The following ADAMTS18 variants were observed in gnomAD, a reference collection of about 807,000 sequenced individuals.
ADAMTS18 encodes ADAM metallopeptidase with thrombospondin type 1 motif 18.
Under a neutral mutation model 165.9 loss-of-function variants are expected in ADAMTS18, and 157 were observed. That is an observed-to-expected ratio of 0.95 (90% CI 0.83 to 1.08). The LOEUF (loss-of-function observed/expected upper bound fraction) is 1.08. Among genes scored for constraint, ADAMTS18 ranks in the 50% least tolerant of loss-of-function variants. ADAMTS18 has a pLI of 0.00. For missense variants in ADAMTS18, 2,040 were observed against 1,534.0 expected (o/e 1.33, Z -5.51); for synonymous variants, 782 against 578.2 (o/e 1.35, Z -5.06).
At chr16:77,336,105 A>T (rs1264514553) in intron 11 of ADAMTS18, among the ~76,000 whole-genome samples, 1 of 152,232 alleles carries the variant, frequency 6.6e-6, no homozygotes, top group African/African-American at 2.4e-5. Context: ...AAAGGCTGAC[A>T]TCTAGAGAGA....
At chr16:77,347,523 A>G (rs1043349539) in intron 10 of ADAMTS18, among the ~76,000 whole-genome samples, 1 of 152,104 alleles carries the variant, frequency 6.6e-6, no homozygotes, top group Non-Finnish European at 1.5e-5. Flanking sequence ...GTGGTGCCCC[A>G]TTATAATTTC....
intron 17 of ADAMTS18, 36 bp downstream of exon 17, chr16:77,300,227 G>C (rs781685334): frequency 1.1e-5 from 18 of 1,613,160 alleles, no homozygotes; most frequent in Non-Finnish European, 1.4e-5. Flanking sequence ...TTTTAAGAGA[G>C]ACAGACTTTG....
At chr16:77,302,237 A>G (rs2055598090) in intron 16 of ADAMTS18, among the ~76,000 whole-genome samples, 1 of 152,196 alleles carries the variant, frequency 6.6e-6, no homozygotes, top group Admixed American at 6.5e-5. Flanking sequence ...TCAAACTAGA[A>G]TTGTGAGAGC....
intron 3 of ADAMTS18, among the ~76,000 whole-genome samples, chr16:77,386,975 T>C (rs952879668): frequency 7.9e-5 from 12 of 152,198 alleles, no homozygotes; most frequent in African/African-American, 2.9e-4. Context: ...GGGTGAACTA[T>C]GCTTGCCTTC....
intron 3 of ADAMTS18, among the ~76,000 whole-genome samples, chr16:77,422,703 C>A (rs1332998527): frequency 6.6e-6 from 1 of 151,810 alleles, no homozygotes; most frequent in Non-Finnish European, 1.5e-5. Context: ...ATTCCAGAGC[C>A]AAAAAAATGC....
Position 77,367,535 on chromosome 16 carries a change from G to T in ADAMTS18, c.684C>A (p.Ser228=), listed in dbSNP as rs753689650. The T allele has an allele frequency of 4.3e-6, 7 of 1,614,206 alleles. No homozygotes were observed. The South Asian group carries it at 7.7e-5, about 18-fold the overall frequency. ...PGSGRNYPGY[S]PSHIPHASQS... Reference sequence around the variant, plus strand: ...GAGATGCATGGGGAATGTGACTTGGGGAGTAACCAGGATAATTCCGGCCAG... The same window carrying T: ...GAGATGCATGGGGAATGTGACTTGGTGAGTAACCAGGATAATTCCGGCCAG... The change falls in exon 4 of 23, where the codon TCC becomes TCA. Residue 228 remains serine, a synonymous_variant. Coordinates refer to ENST00000282849, the MANE Select transcript of ADAMTS18 (RefSeq NM_199355.4).
rs141857602 is a variant in ADAMTS18, at chr16:77,284,440, C to T, written c.3551-369G>A. On this transcript the variant is annotated intron_variant, in intron 22 of 22. Transcript: ENST00000282849. ...ACCGGGCCCAGCCTTTGGTGATTTG[C>T]ATATTATGATTTATTAATATTAACA... Among the ~76,000 whole-genome samples the T allele has an allele frequency of 2.9e-3, 444 of 152,088 alleles. 4 individuals are homozygous for T. Among genetic ancestry groups the T allele is most frequent in the African/African-American group, 0.01 (416 of 41,472 alleles).
intron 6 of ADAMTS18, 79 bp from the exon 7 acceptor site, chr16:77,362,343 AAC>A (rs2056728180): frequency 6.8e-7 from 1 of 1,476,790 alleles, no homozygotes; most frequent in African/African-American, 1.4e-5. Flanking sequence ...TGTACAGGCA[AAC>A]ACAGAAACAT....
At chr16:77,390,686 T>C (rs1291589681) in intron 3 of ADAMTS18, among the ~76,000 whole-genome samples, 1 of 142,498 alleles carries the variant, frequency 7.0e-6, no homozygotes, top group Admixed American at 7.0e-5. Flanking sequence ...CAAGACTCCA[T>C]CTCAAAAAAA....
chr16:77,430,886 A>C (rs2057730148), intron 3 of ADAMTS18, among the ~76,000 whole-genome samples: 2 of 152,226 alleles, frequency 1.3e-5, no homozygotes, highest in Non-Finnish European at 2.9e-5. Context: ...GGTTGATCTT[A>C]CCAGTGCTGC....
chr16:77,311,366 T>C (rs956307390), intron 16 of ADAMTS18, among the ~76,000 whole-genome samples: 1 of 152,208 alleles, frequency 6.6e-6, no homozygotes, highest in African/African-American at 2.4e-5. Flanking sequence ...TAAATATATG[T>C]TTGGCTCCAA....
At chr16:77,327,380 G>A (rs2056113521) in intron 12 of ADAMTS18, among the ~76,000 whole-genome samples, 1 of 152,008 alleles carries the variant, frequency 6.6e-6, no homozygotes, top group Admixed American at 6.6e-5. Context: ...TCATTCTTAT[G>A]CCTTTGCATC....
intron 17 of ADAMTS18, among the ~76,000 whole-genome samples, chr16:77,297,934 T>C (rs1288788984): frequency 7.1e-6 from 1 of 140,566 alleles, no homozygotes; most frequent in Non-Finnish European, 1.5e-5. Context: ...TTTTTTTTTT[T>C]TTTTTTTTGA....
chr16:77,384,832 TA>T (rs1456900543), intron 3 of ADAMTS18, among the ~76,000 whole-genome samples: 2 of 32,858 alleles, frequency 6.1e-5, no homozygotes, highest in African/African-American at 1.4e-4. Context: ...CAGATTTTTT[TA>T]AAAAATCTCA....
At chr16:77,353,323 C>A (rs1055495373) in intron 10 of ADAMTS18, among the ~76,000 whole-genome samples, 3 of 151,990 alleles carry the variant, frequency 2.0e-5, no homozygotes, top group African/African-American at 7.3e-5. Flanking sequence ...AAAAAGCTAG[C>A]TGCTAATAGT....
chr16:77,316,215 C>T (rs1045974210), intron 16 of ADAMTS18, among the ~76,000 whole-genome samples: 1 of 151,974 alleles, frequency 6.6e-6, no homozygotes, highest in Non-Finnish European at 1.5e-5. Context: ...CCCCAGTTTA[C>T]TTCTTGCCTC....
chr16:77,333,632 T>C (rs1299861638), intron 12 of ADAMTS18, among the ~76,000 whole-genome samples: 1 of 151,540 alleles, frequency 6.6e-6, no homozygotes, highest in Admixed American at 6.6e-5. Context: ...TGTATAGAGA[T>C]ATCTGTATTC....
At chr16:77,352,591 C>T (rs968618487) in intron 10 of ADAMTS18, among the ~76,000 whole-genome samples, 7 of 152,078 alleles carry the variant, frequency 4.6e-5, no homozygotes, top group African/African-American at 1.4e-4. Flanking sequence ...CACAGGCTCA[C>T]TTAGCAACTG....
intron 3 of ADAMTS18, among the ~76,000 whole-genome samples, chr16:77,382,131 CAAT>C (rs1345753792): frequency 1.3e-5 from 2 of 152,184 alleles, no homozygotes; most frequent in African/African-American, 4.8e-5. Flanking sequence ...GACATATCCA[CAAT>C]AATAAAAGAT....
Sources: gnomAD v4.1 joint callset for allele counts (sites outside exome capture counted in the v4.1 genomes callset) on GRCh38, gnomAD v4.1.1 for gene constraint, MANE v1.5 for transcripts, NCBI Gene and HGNC (gene_info 2026-07-23, HGNC 2026-07-21) for gene names.